TAFA1: variants seen among roughly 807,000 people sequenced by gnomAD.
The protein encoded by TAFA1 is chemokine-like protein TAFA-1.
In TAFA1, 4 loss-of-function variants were observed where a neutral mutation model predicts 18.5. The observed-to-expected ratio is 0.22, with a 90% confidence interval of 0.11 to 0.49. The LOEUF is 0.49. TAFA1 is among the 20% of genes least tolerant of loss of function. The pLI is 0.98. For synonymous variants in TAFA1, 56 were observed against 55.2 expected (o/e 1.01, Z -0.06); for missense variants, 147 against 169.0 (o/e 0.87, Z 0.72).
intron 2 of TAFA1, among the ~76,000 whole-genome samples, chr3:68,354,874 A>G (rs567719769): frequency 6.6e-6 from 1 of 152,126 alleles, no homozygotes; most frequent in African/African-American, 2.4e-5. Flanking sequence ...CATCCATTCA[A>G]GAGGGCAGAG....
chr3:68,386,572 A>C (rs2070109207), intron 2 of TAFA1, among the ~76,000 whole-genome samples: 1 of 152,168 alleles, frequency 6.6e-6, no homozygotes, highest in Non-Finnish European at 1.5e-5. Context: ...GCCTAGCTAC[A>C]GATAGGTTTT....
chr3:68,083,866 C>A (rs901860097), intron 2 of TAFA1, among the ~76,000 whole-genome samples: 4 of 152,190 alleles, frequency 2.6e-5, no homozygotes, highest in Non-Finnish European at 5.9e-5. Flanking sequence ...ACATTCTCCA[C>A]ATATCTTGTT....
intron 2 of TAFA1, among the ~76,000 whole-genome samples, chr3:68,176,222 C>T (rs2066123443): frequency 6.6e-6 from 1 of 152,142 alleles, no homozygotes; most frequent in Non-Finnish European, 1.5e-5. Flanking sequence ...TGGCTCATGC[C>T]TACAATTCCA....
intron 3 of TAFA1, among the ~76,000 whole-genome samples, chr3:68,537,915 G>T (rs149903103): frequency 6.6e-6 from 1 of 152,260 alleles, no homozygotes; most frequent in African/African-American, 2.4e-5. Context: ...ACTCAAGGCT[G>T]GTCACGTGGG....
chr3:68,129,635 C>T (rs138353629), intron 2 of TAFA1, among the ~76,000 whole-genome samples: 65 of 152,214 alleles, frequency 4.3e-4, no homozygotes, highest in South Asian at 1.7e-3. Flanking sequence ...GATAATTATA[C>T]GTTACATATT....
At chr3:68,002,952 C>T (rs1157061731), upstream of TAFA1, among the ~76,000 whole-genome samples, 1 of 152,174 alleles carries the variant, frequency 6.6e-6, no homozygotes, top group Non-Finnish European at 1.5e-5. Context: ...TACCTGCTGC[C>T]ACTGCTGTTA....
chr3:68,487,558 T>A (rs935330197), intron 3 of TAFA1, among the ~76,000 whole-genome samples: 3 of 151,798 alleles, frequency 2.0e-5, no homozygotes, highest in South Asian at 2.1e-4. Context: ...CCATCCTGGC[T>A]AACACGGTGA....
intron 2 of TAFA1, among the ~76,000 whole-genome samples, chr3:68,080,241 G>C (rs975858859): frequency 3.9e-5 from 6 of 152,266 alleles, no homozygotes; most frequent in East Asian, 1.9e-4. Context: ...GAATACAGCA[G>C]ACTGATGGGT....
chr3:68,005,837 CTAA>C (rs1704348264), intron 1 of TAFA1, among the ~76,000 whole-genome samples: 1 of 152,124 alleles, frequency 6.6e-6, no homozygotes. Context: ...TTTGTAGTTC[CTAA>C]GATCCTCATA....
chr3:68,324,289 T>C (rs2068741997), intron 2 of TAFA1, among the ~76,000 whole-genome samples: 1 of 145,144 alleles, frequency 6.9e-6, no homozygotes, highest in African/African-American at 2.6e-5. Flanking sequence ...TTGATAAATA[T>C]ACTTTCTTTT....
intron 2 of TAFA1, among the ~76,000 whole-genome samples, chr3:68,232,364 G>A (rs2066882277): frequency 6.6e-6 from 1 of 152,104 alleles, no homozygotes; most frequent in South Asian, 2.1e-4. Context: ...ATGTCCTCCA[G>A]GCTCATATTG....
intron 2 of TAFA1, among the ~76,000 whole-genome samples, chr3:68,011,930 G>A (rs1704480744): frequency 6.6e-6 from 1 of 152,092 alleles, no homozygotes; most frequent in Admixed American, 6.5e-5. Context: ...TTATTACAAT[G>A]CTATAAAAAC....
intron 2 of TAFA1, among the ~76,000 whole-genome samples, chr3:68,415,266 T>C (rs1385918862): frequency 6.6e-6 from 1 of 152,186 alleles, no homozygotes; most frequent in Non-Finnish European, 1.5e-5. Context: ...ACCAGTCCTT[T>C]GTTCCAAAAA....
chr3:68,116,705 T>C (rs945668905), intron 2 of TAFA1, among the ~76,000 whole-genome samples: 1 of 152,210 alleles, frequency 6.6e-6, no homozygotes, highest in East Asian at 1.9e-4. Context: ...CCCTCATCTC[T>C]GCTAAAATAT....
At chr3:67,993,685 A>G in the TAFA1 span, among the ~76,000 whole-genome samples, 1 of 152,208 alleles carries the variant, frequency 6.6e-6, no homozygotes, top group East Asian at 1.9e-4. Flanking sequence ...TGGGCACTCA[A>G]AAACTGAGTC....
intron 2 of TAFA1, among the ~76,000 whole-genome samples, chr3:68,310,005 C>A (rs1391978655): frequency 6.6e-6 from 1 of 152,108 alleles, no homozygotes; most frequent in Non-Finnish European, 1.5e-5. Context: ...GAGGAAATTT[C>A]CAAAGTTAGT....
At chr3:68,439,410 T>TAC (rs1370283520) in intron 3 of TAFA1, among the ~76,000 whole-genome samples, 2 of 77,946 alleles carry the variant, frequency 2.6e-5, no homozygotes, top group African/African-American at 9.9e-5. Context: ...TATATATACA[T>TAC]ACATATATAT....
At chr3:68,210,432 G>A (rs1344837245) in intron 2 of TAFA1, among the ~76,000 whole-genome samples, 2 of 151,986 alleles carry the variant, frequency 1.3e-5, no homozygotes, top group African/African-American at 4.8e-5. Context: ...GTAAAGTCTG[G>A]TGGGTATAGA....
chr3:68,015,531 G>A lies in TAFA1; in HGVS notation c.118+8787G>A, dbSNP rs1036057545. ...TCAAACCTCTGACCTCAGGTGATCC[G>A]CCCACTTAGGCCTCCCAACGTGCTG... On this transcript the variant is annotated intron_variant, in intron 2 of 4. Transcript: ENST00000478136. Among the ~76,000 whole-genome samples, 6 of 152,038 alleles carry A rather than the reference G, an allele frequency of 3.9e-5. No homozygotes were observed. The South Asian group carries it at 6.2e-4, about 16-fold the overall frequency.
Sources: gnomAD v4.1 joint callset for allele counts (sites outside exome capture counted in the v4.1 genomes callset) on GRCh38, gnomAD v4.1.1 for gene constraint, MANE v1.5 for transcripts, NCBI Gene and HGNC (gene_info 2026-07-23, HGNC 2026-07-21) for gene names.